FMNL2: variants seen among roughly 807,000 people sequenced by gnomAD.
FMNL2 encodes formin like 2, also known as formin-like protein 2.
A neutral mutation model predicts 130.2 loss-of-function variants in FMNL2; 51 were observed. The ratio of observed to expected loss-of-function variants is 0.39; its 90% CI spans 0.31 to 0.49. The LOEUF is 0.49. Ranked by LOEUF, FMNL2 falls within the 20% of genes least tolerant of loss-of-function variation. The pLI, the probability that FMNL2 is intolerant of heterozygous loss-of-function variation, is 0.85. For synonymous variants in FMNL2, 465 were observed against 467.1 expected (o/e 1.00, Z 0.06); for missense variants, 977 against 1,316.2 (o/e 0.74, Z 3.99).
chr2:152,539,081 C>G (rs1405809354), intron 2 of FMNL2: 1 of 152,068 alleles, frequency 6.6e-6, no homozygotes, highest in Non-Finnish European at 1.5e-5. Context: ...ATTTTCAGGA[C>G]CTCGTTGCCT....
chr2:152,444,157 C>T (rs764934425), intron 1 of FMNL2, among the ~76,000 whole-genome samples: 2 of 151,926 alleles, frequency 1.3e-5, no homozygotes, highest in Non-Finnish European at 2.9e-5. Context: ...AGAGGGCAGC[C>T]GAGTAGAGGG....
At chr2:152,488,305 A>G in intron 1 of FMNL2, among the ~76,000 whole-genome samples, 1 of 152,188 alleles carries the variant, frequency 6.6e-6, no homozygotes, top group South Asian at 2.1e-4. Flanking sequence ...AATTGAGGGC[A>G]AGAGAGAGGT....
intron 9 of FMNL2, among the ~76,000 whole-genome samples, chr2:152,596,744 G>A (rs892234870): frequency 6.6e-6 from 1 of 152,178 alleles, no homozygotes; most frequent in Non-Finnish European, 1.5e-5. Context: ...CACTTCTGCT[G>A]TTGTTTTTGT....
chr2:152,335,842 T>A, intron 1 of FMNL2, 122 bp downstream of exon 1: 4 of 619,478 alleles, frequency 6.5e-6, no homozygotes, highest in Non-Finnish European at 1.0e-5. Flanking sequence ...AGGGGGAGGC[T>A]CCCGCTTTCC....
intron 12 of FMNL2, among the ~76,000 whole-genome samples, chr2:152,616,142 A>C (rs757792210): frequency 6.6e-6 from 1 of 151,990 alleles, no homozygotes; most frequent in Non-Finnish European, 1.5e-5. Context: ...GATGTTAGAA[A>C]TCAGAAGTTG....
At position 152,558,713 on chromosome 2, in the gene FMNL2, T is replaced by C. The variant is rs752288832; in HGVS notation, c.360-27T>C. 3.3e-5 allele frequency: 49 copies of C among 1,492,874 alleles called. No homozygotes were observed. The East Asian group carries it at 1.2e-3, about 35-fold the overall frequency. The allele number at this position is 1,492,874 out of a possible 1,614,324, so 92.5% of individuals were successfully genotyped here. A position where few individuals can be genotyped will look rare whatever the true frequency, so the allele number is the denominator to read the frequency against. On this transcript the variant is annotated intron_variant, in intron 4 of 25. Coordinates refer to ENST00000288670, the MANE Select transcript of FMNL2 (RefSeq NM_052905.4). ...CAGGTCATGTGATCAATTTCTCCAATGATTTTTTTTTTTTTTTCCCCAACA... is the reference window on the plus strand; with the variant it reads ...CAGGTCATGTGATCAATTTCTCCAACGATTTTTTTTTTTTTTTCCCCAACA...
At chr2:152,547,954 G>A (rs1393803674) in intron 3 of FMNL2, among the ~76,000 whole-genome samples, 1 of 152,166 alleles carries the variant, frequency 6.6e-6, no homozygotes, top group Non-Finnish European at 1.5e-5. Context: ...GTGTTCCAAA[G>A]GACTGATGTG....
chr2:152,370,123 G>A (rs921296873), intron 1 of FMNL2, among the ~76,000 whole-genome samples: 1 of 152,140 alleles, frequency 6.6e-6, no homozygotes, highest in African/African-American at 2.4e-5. Context: ...AGTTCAGGCT[G>A]GTATAACAAA....
At chr2:152,361,563 A>G (rs750304177) in intron 1 of FMNL2, among the ~76,000 whole-genome samples, 20 of 152,168 alleles carry the variant, frequency 1.3e-4, no homozygotes, top group Non-Finnish European at 2.8e-4. Context: ...AGGTGTCTAC[A>G]TTTTACATGG....
chr2:152,378,103 C>T (rs952474661), intron 1 of FMNL2, among the ~76,000 whole-genome samples: 2 of 141,550 alleles, frequency 1.4e-5, no homozygotes, highest in African/African-American at 2.6e-5. Flanking sequence ...CAGAGTGAGA[C>T]CCTGTCTTGA....
intron 1 of FMNL2, among the ~76,000 whole-genome samples, chr2:152,450,380 C>T (rs1470595793): frequency 2.6e-5 from 4 of 152,134 alleles, no homozygotes; most frequent in African/African-American, 9.7e-5. Context: ...TGCAGTGTTC[C>T]GTGGAGCGTG....
At chr2:152,480,434 A>C (rs1006654260) in intron 1 of FMNL2, among the ~76,000 whole-genome samples, 1 of 152,014 alleles carries the variant, frequency 6.6e-6, no homozygotes, top group African/African-American at 2.4e-5. Flanking sequence ...GTCCAGAACC[A>C]GCCTGGCCGA....
chr2:152,383,260 A>G (rs894626209), intron 1 of FMNL2, among the ~76,000 whole-genome samples: 2 of 135,268 alleles, frequency 1.5e-5, no homozygotes, highest in Non-Finnish European at 3.1e-5. Context: ...AGGTGTGGAC[A>G]CTTCCGTTAA....
chr2:152,375,877 C>CTCTCTCTCTCTCTCTATATATA lies in FMNL2; in HGVS notation c.117+40158_117+40159insCTCTCTCTCTCTCTATATATAT, dbSNP rs796954245. On this transcript the variant is annotated intron_variant, in intron 1 of 25. Coordinates refer to ENST00000288670, the MANE Select transcript of FMNL2 (RefSeq NM_052905.4). ...TCTCTCTCTCTCTCTCTCTCTCTCT[C>CTCTCTCTCTCTCTCTATATATA]TATATATATATATATATATAATTAT... Among the ~76,000 whole-genome samples the CTCTCTCTCTCTCTCTATATATA allele has an allele frequency of 3.5e-4, 39 of 112,474 alleles. No individual in the cohort carries two copies. The East Asian group carries it at 7.6e-3, about 22-fold the overall frequency. The allele number at this position is 112,474 out of a possible 152,430, so 73.8% of individuals were successfully genotyped here.
intron 21 of FMNL2, 35 bp from the exon 22 acceptor site, chr2:152,636,392 T>C: frequency 1.3e-6 from 2 of 1,587,232 alleles, no homozygotes; most frequent in South Asian, 2.3e-5. Context: ...GACTTCCCCA[T>C]TGAGTTTCAC....
intron 1 of FMNL2, among the ~76,000 whole-genome samples, chr2:152,476,785 T>A (rs1690174047): frequency 6.6e-6 from 1 of 152,090 alleles, no homozygotes; most frequent in South Asian, 2.1e-4. Context: ...GTAAACTTGG[T>A]ATTGTTTCTA....
In FMNL2 at chr2:152,575,149, C is replaced by A. The variant is rs769226788; in HGVS notation, c.610C>A (p.Pro204Thr). 1.9e-6 allele frequency: 3 copies of A among 1,598,678 alleles called. No homozygotes were observed. The South Asian group carries it at 3.4e-5, about 18-fold the overall frequency. Residue 204 changes from proline to threonine, a missense_variant, in exon 7 of 26, where the codon CCA becomes ACA. By Grantham distance (38) the Pro-to-Thr change is conservative (BLOSUM62 -1). Around this residue, in one of 4 missense-constraint regions of FMNL2, gnomAD observed 689 missense variants for 995.9 expected, o/e 0.69. Transcript: ENST00000288670. ...RHSALRYNTLPSRRTLKNSRL... is the reference protein window; with the variant it reads ...RHSALRYNTLTSRRTLKNSRL... ...TTTTGTTTGTAGATATAATACATTG[C>A]CAAGCAGAAGAACTCTGAAAAATTC...
At chr2:152,352,487 G>A (rs567062907) in intron 1 of FMNL2, among the ~76,000 whole-genome samples, 76 of 152,294 alleles carry the variant, frequency 5.0e-4, no homozygotes, top group African/African-American at 1.7e-3. Flanking sequence ...AAAATATTAT[G>A]TAAATATAAG....
chr2:152,442,523 A>G (rs762423100), intron 1 of FMNL2, among the ~76,000 whole-genome samples: 6 of 152,056 alleles, frequency 3.9e-5, no homozygotes, highest in Non-Finnish European at 8.8e-5. Flanking sequence ...TGCTGGGATT[A>G]CAGGCGTGAG....
Sources: allele counts gnomAD v4.1 joint callset (sites outside exome capture counted in the v4.1 genomes callset), GRCh38; gene constraint gnomAD v4.1.1; regional missense constraint gnomAD v4.1.1; transcripts MANE v1.5; gene names NCBI Gene and HGNC (gene_info 2026-07-23, HGNC 2026-07-21).